ANK2: variants seen among roughly 807,000 people sequenced by gnomAD.
ANK2 encodes the protein ankyrin-2.
A neutral mutation model predicts 360.5 loss-of-function variants in ANK2; 83 were observed. That is an observed-to-expected ratio of 0.23 (90% CI 0.19 to 0.28). The LOEUF (loss-of-function observed/expected upper bound fraction) is 0.28. ANK2 is among the 10% of genes least tolerant of loss of function. The pLI is 1.00. For synonymous variants in ANK2, 1,740 were observed against 1,759.5 expected (o/e 0.99, Z 0.28); for missense variants, 4,201 against 4,795.7 (o/e 0.88, Z 3.66).
rs115432541 is a variant in ANK2, at chr4:113,127,564, G to C, written c.85-46852G>C. On this transcript the variant is annotated intron_variant, in intron 1 of 45. Transcript: ENST00000357077. Reference sequence around the variant, plus strand: ...ATGAAATAGCTGGTTGCTTTTAAGAGAGATTGTGGACTTGAGGATAGGTAG... The same window carrying C: ...ATGAAATAGCTGGTTGCTTTTAAGACAGATTGTGGACTTGAGGATAGGTAG... 6.5e-3 allele frequency among the ~76,000 whole-genome samples: 994 copies of C among 152,058 alleles called. 10 individuals are homozygous for C. The highest frequency in any genetic ancestry group is 0.022 in the African/African-American group (926 of 41,468).
At chr4:112,788,106 C>G in the ANK2 span, 10 of 1,568,742 alleles carry the variant, frequency 6.4e-6, no homozygotes, top group African/African-American at 1.3e-5. Context: ...GTGGCAAGTT[C>G]TTTAGCCTTT....
the ANK2 span, among the ~76,000 whole-genome samples, chr4:112,712,534 A>C: frequency 6.7e-6 from 1 of 149,648 alleles, no homozygotes; most frequent in East Asian, 2.0e-4. Context: ...CAGCCTCCCA[A>C]GTGGCTAGGA....
chr4:113,212,625 C>T (rs1352275675), intron 4 of ANK2, among the ~76,000 whole-genome samples: 4 of 152,182 alleles, frequency 2.6e-5, no homozygotes, highest in Non-Finnish European at 5.9e-5. Flanking sequence ...GCTTTCTACT[C>T]ATGTAACTCA....
the ANK2 span, chr4:112,796,999 G>T: frequency 6.0e-6 from 1 of 166,290 alleles, no homozygotes; most frequent in East Asian, 1.4e-4. Flanking sequence ...AGGTTACTAA[G>T]AGAAATTCTG....
intron 1 of ANK2, among the ~76,000 whole-genome samples, chr4:112,893,633 T>C (rs2080844925): frequency 6.6e-6 from 1 of 152,220 alleles, no homozygotes; most frequent in South Asian, 2.1e-4. Flanking sequence ...TATTCCATAA[T>C]GGTCTTGCAA....
chr4:113,371,389 C>T (rs765352896), intron 43 of ANK2, among the ~76,000 whole-genome samples: 2 of 152,148 alleles, frequency 1.3e-5, no homozygotes, highest in Non-Finnish European at 2.9e-5. Context: ...AAATTCTTGG[C>T]TTGAATGAGT....
intron 2 of ANK2, among the ~76,000 whole-genome samples, chr4:113,009,988 G>T (rs866619334): frequency 2.0e-5 from 3 of 151,816 alleles, no homozygotes; most frequent in Middle Eastern, 6.8e-3. Flanking sequence ...CAGCACTTTG[G>T]TTTGGGAATT....
At chr4:113,023,230 C>T (rs541430148) in intron 2 of ANK2, among the ~76,000 whole-genome samples, 1 of 152,326 alleles carries the variant, frequency 6.6e-6, no homozygotes, top group Admixed American at 6.5e-5. Flanking sequence ...GAAATCAGAT[C>T]ACATCTTACA....
intron 1 of ANK2, among the ~76,000 whole-genome samples, chr4:113,072,190 G>C (rs1033182448): frequency 2.6e-5 from 4 of 152,132 alleles, no homozygotes; most frequent in Non-Finnish European, 4.4e-5. Context: ...CAGCACTTTT[G>C]CCATTACCCT....
chr4:113,001,316 A>G (rs2154286543), intron 2 of ANK2, among the ~76,000 whole-genome samples: 1 of 147,892 alleles, frequency 6.8e-6, no homozygotes, highest in East Asian at 2.0e-4. Flanking sequence ...AGGCGACAAA[A>G]GCAAAACTCT....
the ANK2 span, among the ~76,000 whole-genome samples, chr4:112,781,980 C>G: frequency 6.6e-6 from 1 of 151,902 alleles, no homozygotes. Flanking sequence ...CAGTTGCATA[C>G]CACCATGCCC....
the ANK2 span, among the ~76,000 whole-genome samples, chr4:112,763,091 ATCAT>A: frequency 6.6e-6 from 1 of 152,218 alleles, no homozygotes; most frequent in Non-Finnish European, 1.5e-5. Context: ...GTGATGAATA[ATCAT>A]TTAAGAAATA....
At chr4:113,071,581 G>A (rs1288792295) in intron 1 of ANK2, among the ~76,000 whole-genome samples, 1 of 152,046 alleles carries the variant, frequency 6.6e-6, no homozygotes, top group Non-Finnish European at 1.5e-5. Context: ...GCAGTGTTCT[G>A]TCCCCTGCAC....
At chr4:113,374,681 C>T in intron 45 of ANK2, 2 of 909,842 alleles carry the variant, frequency 2.2e-6, no homozygotes, top group Non-Finnish European at 2.7e-6. Context: ...TAGTTTTGTC[C>T]TTTGTTTTTT....
At chr4:112,884,248 C>A (rs2077627262) in intron 1 of ANK2, among the ~76,000 whole-genome samples, 1 of 151,974 alleles carries the variant, frequency 6.6e-6, no homozygotes, top group Non-Finnish European at 1.5e-5. Context: ...ACTTTTTGGC[C>A]TGTGGGTAAT....
intron 2 of ANK2, among the ~76,000 whole-genome samples, chr4:113,030,070 T>A (rs534781191): frequency 8.5e-5 from 13 of 152,232 alleles, no homozygotes; most frequent in African/African-American, 3.1e-4. Flanking sequence ...TCTTGTGTAC[T>A]ATGTGAATTA....
chr4:112,911,392 T>G (rs2087308661), intron 2 of ANK2, among the ~76,000 whole-genome samples: 1 of 151,712 alleles, frequency 6.6e-6, no homozygotes, highest in African/African-American at 2.4e-5. Context: ...GCGTGGTGGT[T>G]GGCACCTGTA....
chr4:113,000,840 A>C (rs571154055), intron 2 of ANK2, among the ~76,000 whole-genome samples: 1 of 152,168 alleles, frequency 6.6e-6, no homozygotes, highest in Admixed American at 6.5e-5. Flanking sequence ...TTTTATTATC[A>C]TCATCCTCGT....
intron 4 of ANK2, among the ~76,000 whole-genome samples, chr4:113,220,286 C>A (rs911512078): frequency 3.3e-5 from 5 of 152,114 alleles, no homozygotes; most frequent in African/African-American, 1.2e-4. Flanking sequence ...CATTTGATAA[C>A]CTGTCTGGGC....
Sources: allele counts gnomAD v4.1 joint callset (sites outside exome capture counted in the v4.1 genomes callset), GRCh38; gene constraint gnomAD v4.1.1; transcripts MANE v1.5; gene names NCBI Gene and HGNC (gene_info 2026-07-23, HGNC 2026-07-21).